MYO5C: variants seen among roughly 807,000 people sequenced by gnomAD.
MYO5C encodes unconventional myosin-Vc.
In MYO5C, 194 loss-of-function variants were observed where a neutral mutation model predicts 235.7. The ratio of observed to expected loss-of-function variants is 0.82; its 90% CI spans 0.73 to 0.93. The LOEUF is 0.93. MYO5C is among the 40% of genes least tolerant of loss of function. The pLI, the probability that MYO5C is intolerant of heterozygous loss-of-function variation, is 0.00. For missense variants in MYO5C, 2,038 were observed against 2,127.2 expected (o/e 0.96, Z 0.82); for synonymous variants, 707 against 754.8 (o/e 0.94, Z 1.04).
chr15:52,277,936 C>G (rs772204540), intron 4 of MYO5C: 16 of 455,946 alleles, frequency 3.5e-5, no homozygotes, highest in South Asian at 2.5e-4. Flanking sequence ...AGACATAAAG[C>G]GGAGGGAGCT....
intron 24 of MYO5C, among the ~76,000 whole-genome samples, chr15:52,229,518 G>A (rs1171217710): frequency 6.6e-6 from 1 of 152,148 alleles, no homozygotes; most frequent in African/African-American, 2.4e-5. Flanking sequence ...CAGCTACCCA[G>A]GAGGCTGAGG....
intron 35 of MYO5C, among the ~76,000 whole-genome samples, chr15:52,210,286 A>G (rs1428821240): frequency 6.6e-6 from 1 of 152,124 alleles, no homozygotes; most frequent in African/African-American, 2.4e-5. Context: ...TTTAAAATAG[A>G]ATTTAATTCC....
chr15:52,208,722 A>C, intron 35 of MYO5C, 79 bp from the exon 36 acceptor site: 1 of 1,252,202 alleles, frequency 8.0e-7, no homozygotes, highest in Non-Finnish European at 1.2e-6. Context: ...GGTTATTTGT[A>C]GCTTTTGACC....
At position 52,233,437 on chromosome 15, in the gene MYO5C, G is replaced by A. The variant is rs568617661; in HGVS notation, c.2963-752C>T. Among the ~76,000 whole-genome samples the A allele has an allele frequency of 3.3e-5, 5 of 152,278 alleles. No homozygotes were observed. In the South Asian group the frequency reaches 6.2e-4, roughly 19 times the overall value. ...TTGCTGTGGAGAGGGGCTGTCCCACGCATTGCAGGATTCTGAGCAGCAACC... is the reference window on the plus strand; with the variant it reads ...TTGCTGTGGAGAGGGGCTGTCCCACACATTGCAGGATTCTGAGCAGCAACC... On this transcript the variant is annotated intron_variant, in intron 23 of 40. Transcript: ENST00000261839.
intron 12 of MYO5C, among the ~76,000 whole-genome samples, chr15:52,252,327 C>T (rs1224269395): frequency 1.3e-5 from 2 of 152,136 alleles, no homozygotes; most frequent in Non-Finnish European, 2.9e-5. Context: ...CCTCCCCTTC[C>T]CCTGCCTCAG....
chr15:52,207,475 C>T (rs1293470867), intron 36 of MYO5C, among the ~76,000 whole-genome samples: 1 of 152,176 alleles, frequency 6.6e-6, no homozygotes, highest in Non-Finnish European at 1.5e-5. Context: ...TTTATTTTAA[C>T]TTCCTTCCAT....
intron 28 of MYO5C, 130 bp downstream of exon 28, chr15:52,224,771 C>T (rs893823118): frequency 2.8e-6 from 2 of 707,180 alleles, no homozygotes; most frequent in Non-Finnish European, 2.4e-6. Flanking sequence ...AGAAATATTT[C>T]TAGTGGTTAT....
chr15:52,194,639 G>A (rs1394791913), intron 40 of MYO5C, among the ~76,000 whole-genome samples: 2 of 151,902 alleles, frequency 1.3e-5, no homozygotes, highest in Non-Finnish European at 2.9e-5. Context: ...CCAAAACAAA[G>A]AAAATTTAGT....
intron 34 of MYO5C, among the ~76,000 whole-genome samples, chr15:52,212,499 T>C (rs542104665): frequency 1.3e-5 from 2 of 152,196 alleles, no homozygotes; most frequent in African/African-American, 4.8e-5. Flanking sequence ...GTAGAGGTGC[T>C]CATATGAGCC....
chr15:52,206,356 A>G (rs1004245989), intron 36 of MYO5C, among the ~76,000 whole-genome samples: 1 of 152,236 alleles, frequency 6.6e-6, no homozygotes. Flanking sequence ...TACAGGGTAC[A>G]AAGTTGAAAT....
At chr15:52,268,668 G>C (rs1200333834) in intron 8 of MYO5C, among the ~76,000 whole-genome samples, 1 of 152,210 alleles carries the variant, frequency 6.6e-6, no homozygotes, top group African/African-American at 2.4e-5. Context: ...GAGAGTGAAT[G>C]CCTGTTTTTA....
At chr15:52,287,054 CTATT>C (rs1334132182) in intron 1 of MYO5C, among the ~76,000 whole-genome samples, 1 of 151,776 alleles carries the variant, frequency 6.6e-6, no homozygotes, top group East Asian at 1.9e-4. Context: ...AGGAACCTAT[CTATT>C]AGTTAATATA....
In MYO5C at chr15:52,237,445, G is replaced by A. The variant is rs374515286; in HGVS notation, c.2868+37C>T. 73 of 1,598,680 alleles carry A rather than the reference G, an allele frequency of 4.6e-5. 1 individual carries two copies. The African/African-American group carries it at 6.6e-4, about 14-fold the overall frequency. ...CGCTCATCTTTTTCACAGAGAGTCC[G>A]CATATTTCCATCCCGTCTCACACGC... On this transcript the variant is annotated intron_variant, in intron 22 of 40. Coordinates refer to ENST00000261839, the MANE Select transcript of MYO5C (RefSeq NM_018728.4).
chr15:52,250,242 CTTTTTCTT>C (rs2036442075), intron 13 of MYO5C, among the ~76,000 whole-genome samples: 1 of 85,686 alleles, frequency 1.2e-5, no homozygotes, highest in Non-Finnish European at 2.1e-5. Context: ...TTTTCTTTTT[CTTTTTCTT>C]TTTTTTTTTT....
At chr15:52,252,743 C>A (rs979133792) in intron 12 of MYO5C, among the ~76,000 whole-genome samples, 1 of 151,650 alleles carries the variant, frequency 6.6e-6, no homozygotes, top group African/African-American at 2.4e-5. Context: ...CCACTGCACT[C>A]CAGCCTGGGT....
intron 23 of MYO5C, among the ~76,000 whole-genome samples, chr15:52,234,910 C>A (rs1056463268): frequency 6.6e-6 from 1 of 152,142 alleles, no homozygotes; most frequent in African/African-American, 2.4e-5. Context: ...TTCCTGCTGC[C>A]CCCACGTTGG....
intron 8 of MYO5C, among the ~76,000 whole-genome samples, chr15:52,264,949 C>A (rs925578496): frequency 2.0e-5 from 3 of 152,214 alleles, no homozygotes; most frequent in Non-Finnish European, 4.4e-5. Context: ...CCCAACTCTC[C>A]TTCTAGGCTC....
chr15:52,221,738 A>G (rs1190737534), intron 29 of MYO5C, among the ~76,000 whole-genome samples: 3 of 152,168 alleles, frequency 2.0e-5, no homozygotes, highest in African/African-American at 7.2e-5. Context: ...ATTTCTTTAC[A>G]TGTCCATCGC....
At chr15:52,209,849 C>G (rs770620807) in intron 35 of MYO5C, among the ~76,000 whole-genome samples, 2 of 152,114 alleles carry the variant, frequency 1.3e-5, no homozygotes, top group Non-Finnish European at 2.9e-5. Context: ...ATTCCTAACT[C>G]CAGATAAATA....
Sources: gnomAD v4.1 joint callset for allele counts (sites outside exome capture counted in the v4.1 genomes callset) on GRCh38, gnomAD v4.1.1 for gene constraint, MANE v1.5 for transcripts, NCBI Gene and HGNC (gene_info 2026-07-23, HGNC 2026-07-21) for gene names.